NUP93: variants seen among roughly 807,000 people sequenced by gnomAD.
NUP93 encodes nuclear pore complex protein Nup93.
In NUP93, 55 loss-of-function variants were observed where a neutral mutation model predicts 107.8. That is an observed-to-expected ratio of 0.51 (90% CI 0.41 to 0.64). The LOEUF is 0.64. Ranked by LOEUF, NUP93 falls within the 30% of genes least tolerant of loss-of-function variation. The pLI, the probability that NUP93 is intolerant of heterozygous loss-of-function variation, is 0.00. For missense variants in NUP93, 937 were observed against 1,044.7 expected, an observed-to-expected ratio of 0.90 and a Z score of 1.42; for synonymous variants, 390 against 397.5, an observed-to-expected ratio of 0.98 and a Z score of 0.22.
Position 56,834,716 on chromosome 16 carries a change from A to G in NUP93, c.1738-18A>G. On this transcript the variant is annotated intron_variant, in intron 15 of 21. Coordinates refer to ENST00000308159, the MANE Select transcript of NUP93 (RefSeq NM_014669.5). ...TATCTTTGTCCAATAATTTGAGTAA[A>G]CTTTTTTCCTTCCACAGTTCGATAT... 1 of 1,607,352 alleles carries G rather than the reference A, an allele frequency of 6.2e-7. No homozygotes were observed. Among genetic ancestry groups the G allele is most frequent in the Non-Finnish European group, 8.5e-7 (1 of 1,175,940 alleles).
At chr16:56,828,881 C>T in intron 8 of NUP93, 96 bp from the exon 9 acceptor site, 1 of 1,290,270 alleles carries the variant, frequency 7.8e-7, no homozygotes, top group Non-Finnish European at 1.1e-6. Context: ...TAGGCCCTGC[C>T]CTTCCAAGCT....
At chr16:56,798,695 C>T (rs1451965988) in intron 4 of NUP93, among the ~76,000 whole-genome samples, 157 bp downstream of exon 4, 1 of 151,906 alleles carries the variant, frequency 6.6e-6, no homozygotes, top group Non-Finnish European at 1.5e-5. Flanking sequence ...TAGTGAGACC[C>T]CATCTTTACA....
At chr16:56,780,935 G>A (rs8052978) in intron 3 of NUP93, among the ~76,000 whole-genome samples, 66,821 of 151,944 alleles carry the variant, frequency 0.44, 15,022 homozygotes, top group East Asian at 0.61. Context: ...GCGTGGCTCT[G>A]TCTTTGCTTT....
intron 3 of NUP93, among the ~76,000 whole-genome samples, chr16:56,774,658 C>G (rs554647322): frequency 4.6e-5 from 7 of 152,214 alleles, no homozygotes; most frequent in African/African-American, 1.7e-4. Flanking sequence ...TGAAGAGAAT[C>G]CTATTGTATA....
At chr16:56,778,437 G>A (rs1243490319) in intron 3 of NUP93, among the ~76,000 whole-genome samples, 1 of 152,074 alleles carries the variant, frequency 6.6e-6, no homozygotes, top group African/African-American at 2.4e-5. Context: ...AAAGGAGGGA[G>A]GGCATGGCAG....
At chr16:56,741,511 A>G (rs1961739332) in intron 1 of NUP93, among the ~76,000 whole-genome samples, 1 of 152,198 alleles carries the variant, frequency 6.6e-6, no homozygotes, top group South Asian at 2.1e-4. Context: ...CTTCTCACCC[A>G]TTCCGTCTAA....
At chr16:56,834,515 G>A in intron 15 of NUP93, 73 bp downstream of exon 15, 4 of 1,485,516 alleles carry the variant, frequency 2.7e-6, no homozygotes, top group Non-Finnish European at 3.7e-6. Context: ...CGTATTGCGT[G>A]TTTACTTCAA....
intron 1 of NUP93, among the ~76,000 whole-genome samples, chr16:56,742,621 G>A (rs913005562): frequency 1.3e-4 from 20 of 152,238 alleles, no homozygotes; most frequent in African/African-American, 4.6e-4. Flanking sequence ...TACAGAAGAA[G>A]TTTGCTCACT....
rs953566662 is a variant in NUP93 at position 56,805,348 on chromosome 16, A to G, written c.361-156A>G. On this transcript the variant is annotated intron_variant, in intron 4 of 21. Transcript: ENST00000308159. ...CAGGTGTAAACCACCACGCTCAGCC[A>G]GTAAATTCTTCAAAGATAATTTTTA... The G allele has an allele frequency of 1.6e-5, 12 of 767,876 alleles. No individual in the cohort carries two copies. The African/African-American group carries it at 2.1e-4, about 13-fold the overall frequency. 47.6% of individuals were successfully genotyped at this position (767,876 alleles called of 1,614,324 possible). A position where few individuals can be genotyped will look rare whatever the true frequency, so the allele number is the denominator to read the frequency against.
At position 56,805,673 on chromosome 16, in the gene NUP93, A is replaced by G. The variant is rs114852022; in HGVS notation, c.489+41A>G. On this transcript the variant is annotated intron_variant, in intron 5 of 21. Coordinates refer to ENST00000308159, the MANE Select transcript of NUP93 (RefSeq NM_014669.5). ...AAGATAAACTACTGTTAATAAAAAC[A>G]TGAAGTCAAAGAATACTTGTCTACT... 8.2e-4 allele frequency: 1,302 copies of G among 1,585,654 alleles called. 10 individuals are homozygous for G. In the African/African-American group the frequency reaches 0.015, roughly 19 times the overall value.
In NUP93 at chr16:56,845,474, T is replaced by G. The variant is rs1964106151; in HGVS notation, c.*865T>G. On this transcript the variant is annotated 3_prime_UTR_variant, in exon 22 of 22. Transcript: ENST00000308159. The stretch of plus-strand genomic sequence containing the variant: ...GCAGGCTCATGGGTCACGTGCTGAG[T>G]CTGCAATGTACAGAATCCAGACCAC... The G allele has an allele frequency of 6.6e-6, 1 of 152,118 alleles. No individual in the cohort carries two copies. The highest frequency in any genetic ancestry group is 2.1e-4 in the South Asian group (1 of 4,820). The allele number at this position is 152,118 out of a possible 1,614,324, so 9.4% of individuals were successfully genotyped here.
chr16:56,748,301 T>C lies in NUP93; in HGVS notation c.54T>C (p.Ala18=). 1.9e-6 allele frequency: 3 copies of C among 1,613,998 alleles called. No individual in the cohort carries two copies. Among genetic ancestry groups the C allele is most frequent in the Non-Finnish European group, 2.5e-6 (3 of 1,179,896 alleles). The part of the protein sequence containing the change: ...ELLQQAEQLA[A]ETEGISELPH... The stretch of plus-strand genomic sequence containing the variant: ...TTCAGCAAGCTGAACAGCTTGCTGC[T>C]GAGACTGAGGGCATCTCAGAGCTTC... The change falls in exon 2 of 22, where the codon GCT becomes GCC. Residue 18 remains alanine (A), a synonymous_variant. Transcript: ENST00000308159.
rs1567418337 is a variant in NUP93, at chr16:56,848,865, TC to T, written c.*4257del. On this transcript the variant is annotated 3_prime_UTR_variant, in exon 22 of 22. Transcript: ENST00000308159. The stretch of plus-strand genomic sequence containing the variant: ...ATTTGTTCCCAGAGTTGTGCATAAT[TC>T]TTTAAAAGTAGGCTCGTTTTTTTCG... The T allele has an allele frequency of 6.6e-6, 1 of 152,244 alleles. No homozygotes were observed. Among genetic ancestry groups the T allele is most frequent in the Non-Finnish European group, 1.5e-5 (1 of 68,036 alleles). The allele number at this position is 152,244 out of a possible 1,614,324, so 9.4% of individuals were successfully genotyped here.
chr16:56,846,512 C>T lies in NUP93; in HGVS notation c.*1903C>T, dbSNP rs942296031. The stretch of plus-strand genomic sequence containing the variant: ...TTCGCTTGAGGTAAGGGGTTTGAGA[C>T]CAGTCTGGCCAACATGGGGAAACCC... On this transcript the variant is annotated 3_prime_UTR_variant, in exon 22 of 22. Coordinates refer to ENST00000308159, the MANE Select transcript of NUP93 (RefSeq NM_014669.5). 1.7e-4 allele frequency: 26 copies of T among 152,080 alleles called. No homozygotes were observed. The highest frequency in any genetic ancestry group is 5.8e-4 in the African/African-American group (24 of 41,382). The allele number at this position is 152,080 out of a possible 1,614,324, so 9.4% of individuals were successfully genotyped here.
chr16:56,836,158 C>A (rs1160846435), intron 16 of NUP93, among the ~76,000 whole-genome samples: 1 of 144,192 alleles, frequency 6.9e-6, no homozygotes, highest in Non-Finnish European at 1.6e-5. Context: ...TGTCCTGTTA[C>A]CACTTGCTGT....
At chr16:56,737,999 T>G (rs1227028495) in intron 1 of NUP93, among the ~76,000 whole-genome samples, 1 of 152,260 alleles carries the variant, frequency 6.6e-6, no homozygotes, top group Non-Finnish European at 1.5e-5. Flanking sequence ...TCTGCCCCTG[T>G]TTATGCTAGT....
chr16:56,773,201 G>A (rs751096945), intron 3 of NUP93, among the ~76,000 whole-genome samples: 3 of 152,178 alleles, frequency 2.0e-5, no homozygotes, highest in Non-Finnish European at 2.9e-5. Flanking sequence ...GGGAGAACGG[G>A]GAAGAAACTG....
chr16:56,808,253 A>T (rs1211102922), intron 5 of NUP93, among the ~76,000 whole-genome samples: 2 of 84,540 alleles, frequency 2.4e-5, no homozygotes, highest in Admixed American at 1.5e-4. Context: ...TAACTATATA[A>T]AATATATAGT....
At chr16:56,731,642 A>G (rs1424776371) in intron 1 of NUP93, among the ~76,000 whole-genome samples, 4 of 152,084 alleles carry the variant, frequency 2.6e-5, no homozygotes, top group Non-Finnish European at 4.4e-5. Flanking sequence ...TCCTGGCCTC[A>G]AGTGATCCGC....
Sources: allele counts gnomAD v4.1 joint callset (sites outside exome capture counted in the v4.1 genomes callset), GRCh38; gene constraint gnomAD v4.1.1; transcripts MANE v1.5; gene names NCBI Gene and HGNC (gene_info 2026-07-23, HGNC 2026-07-21).